Variants in ALPL observed in about 807,000 individuals in gnomAD.
ALPL encodes the protein alkaline phosphatase, biomineralization associated, also known as alkaline phosphatase, tissue-nonspecific isozyme.
In ALPL, 42 loss-of-function variants were observed where a neutral mutation model predicts 51.3. That is an observed-to-expected ratio of 0.82 (90% CI 0.64 to 1.06). The LOEUF (loss-of-function observed/expected upper bound fraction) is 1.06, where lower values mean the gene tolerates loss of function less well. ALPL is among the 50% of genes least tolerant of loss of function. The probability of loss-of-function intolerance (pLI) is 0.00; values close to 1 mark genes in which losing one functional copy is unlikely to be tolerated. For missense variants in ALPL, 589 were observed against 709.4 expected, an observed-to-expected ratio of 0.83 and a Z score of 1.93; for synonymous variants, 279 against 296.4, an observed-to-expected ratio of 0.94 and a Z score of 0.60.
At chr1:21,518,895 A>G (rs567946974) in intron 1 of ALPL, among the ~76,000 whole-genome samples, 2 of 152,288 alleles carry the variant, frequency 1.3e-5, no homozygotes, top group South Asian at 4.1e-4. Context: ...ACCCGCCCAC[A>G]AACTCCATCC....
chr1:21,558,429 A>G (rs897927240), intron 2 of ALPL, among the ~76,000 whole-genome samples: 1 of 149,950 alleles, frequency 6.7e-6, no homozygotes, highest in Non-Finnish European at 1.5e-5. Flanking sequence ...TGAGGAAGGC[A>G]GGAGGGAGGC....
intron 1 of ALPL, among the ~76,000 whole-genome samples, chr1:21,519,039 G>T (rs1643852372): frequency 6.6e-6 from 1 of 152,214 alleles, no homozygotes; most frequent in African/African-American, 2.4e-5. Flanking sequence ...AATGCAACAA[G>T]CGCTACTCAG....
chr1:21,561,277 A>G (rs1230590019), intron 4 of ALPL, 65 bp downstream of exon 4: 2 of 1,416,232 alleles, frequency 1.4e-6, no homozygotes, highest in South Asian at 1.2e-5. Flanking sequence ...GCATCTGAAC[A>G]TGACAGCAGC....
chr1:21,570,933 G>T (rs978485063), intron 8 of ALPL, among the ~76,000 whole-genome samples: 1 of 152,242 alleles, frequency 6.6e-6, no homozygotes, highest in Non-Finnish European at 1.5e-5. Flanking sequence ...CCAAGCAAGT[G>T]GTGGCAAAAT....
At chr1:21,569,750 C>T (rs997318149) in intron 7 of ALPL, among the ~76,000 whole-genome samples, 6 of 152,134 alleles carry the variant, frequency 3.9e-5, no homozygotes, top group African/African-American at 1.2e-4. Context: ...CACATGGTGC[C>T]CTCTCCAGGC....
chr1:21,532,260 C>T (rs1229666729), intron 1 of ALPL, among the ~76,000 whole-genome samples: 3 of 152,028 alleles, frequency 2.0e-5, no homozygotes, highest in Admixed American at 6.6e-5. Flanking sequence ...GGTGTGATCT[C>T]AGCTTGCTGC....
chr1:21,538,586 C>G (rs1420646809), intron 1 of ALPL, among the ~76,000 whole-genome samples: 1 of 152,328 alleles, frequency 6.6e-6, no homozygotes, highest in Admixed American at 6.5e-5. Context: ...CCTCCTCTCA[C>G]AGGGCCTGCG....
At chr1:21,577,304 T>C in intron 11 of ALPL, 79 bp from the exon 12 acceptor site, 5 of 1,606,128 alleles carry the variant, frequency 3.1e-6, no homozygotes, top group Non-Finnish European at 2.6e-6. Flanking sequence ...CAAGCCAGCC[T>C]GGAAGGGAGA....
chr1:21,576,226 G>A (rs1265729338), intron 10 of ALPL, among the ~76,000 whole-genome samples: 2 of 144,452 alleles, frequency 1.4e-5, no homozygotes, highest in Admixed American at 1.4e-4. Flanking sequence ...GATGATGGAT[G>A]GATGGATGGA....
At chr1:21,528,649 C>T (rs900587326) in intron 1 of ALPL, among the ~76,000 whole-genome samples, 3 of 151,726 alleles carry the variant, frequency 2.0e-5, no homozygotes, top group Admixed American at 1.3e-4. Context: ...CGCTCCCGGC[C>T]GACCTATTCA....
intron 2 of ALPL, among the ~76,000 whole-genome samples, chr1:21,558,698 C>T (rs548922113): frequency 1.8e-4 from 27 of 152,170 alleles, no homozygotes; most frequent in African/African-American, 6.3e-4. Context: ...GGACCTGGGG[C>T]TGTCGGGATG....
intron 2 of ALPL, 70 bp downstream of exon 2, chr1:21,554,212 T>C (rs1570252377): frequency 3.4e-6 from 5 of 1,480,682 alleles, no homozygotes; most frequent in Middle Eastern, 1.8e-4. Flanking sequence ...GCAGTGTCTA[T>C]GTTTTAAGGT....
intron 9 of ALPL, 70 bp downstream of exon 9, chr1:21,573,869 A>G (rs1644688836): frequency 6.2e-7 from 1 of 1,607,792 alleles, no homozygotes. Context: ...GGAGAAGTCC[A>G]GCTCTTAAAG....
chr1:21,557,376 G>A (rs1644427477), intron 2 of ALPL, among the ~76,000 whole-genome samples: 1 of 152,304 alleles, frequency 6.6e-6, no homozygotes, highest in African/African-American at 2.4e-5. Flanking sequence ...GGGTGCAGTG[G>A]GGCACTGAGC....
chr1:21,570,264 C>T (rs1644626638), intron 7 of ALPL, 41 bp from the exon 8 acceptor site: 4 of 1,602,550 alleles, frequency 2.5e-6, no homozygotes, highest in Non-Finnish European at 3.4e-6. Flanking sequence ...TTCCGACTCT[C>T]CCTAGCCCCC....
At chr1:21,544,940 A>G (rs1003636449) in intron 1 of ALPL, among the ~76,000 whole-genome samples, 2 of 152,072 alleles carry the variant, frequency 1.3e-5, no homozygotes, top group African/African-American at 4.8e-5. Flanking sequence ...ACATTCCAAC[A>G]TTAAAAAAAA....
At position 21,560,112 on chromosome 1, in the gene ALPL, C is replaced by A. The variant is rs147761335; in HGVS notation, c.62-514C>A. Among the ~76,000 whole-genome samples the A allele has an allele frequency of 2.8e-3, 420 of 152,330 alleles. 3 individuals are homozygous for A. Among genetic ancestry groups the A allele is most frequent in the African/African-American group, 9.5e-3 (396 of 41,570 alleles). ...TTCGCTTTCCAGCACTGCTATTAAA[C>A]CAAGTCAGGTTCCTGCTGAGCCTAC... On this transcript the variant is annotated intron_variant, in intron 2 of 11. Coordinates refer to ENST00000374840, the MANE Select transcript of ALPL (RefSeq NM_000478.6).
Position 21,559,624 on chromosome 1 carries a change from G to A in ALPL, c.62-1002G>A, listed in dbSNP as rs1234159271. 2.0e-5 allele frequency among the ~76,000 whole-genome samples: 3 copies of A among 152,118 alleles called. No homozygotes were observed. The South Asian group carries it at 6.2e-4, about 31-fold the overall frequency. ...AACCTCCGCCTCCCGGGTTCAAGCA[G>A]TTCTCCTGCCTCAGCCTCCTGAGTA... On this transcript the variant is annotated intron_variant, in intron 2 of 11. Transcript: ENST00000374840.
chr1:21,537,222 T>TA (rs1473768030), intron 1 of ALPL, among the ~76,000 whole-genome samples: 1 of 152,174 alleles, frequency 6.6e-6, no homozygotes, highest in Non-Finnish European at 1.5e-5. Flanking sequence ...AAGACGCTGA[T>TA]ACTGGAGGCA....
Sources: gnomAD v4.1 joint callset for allele counts (sites outside exome capture counted in the v4.1 genomes callset) on GRCh38, gnomAD v4.1.1 for gene constraint, MANE v1.5 for transcripts, NCBI Gene and HGNC (gene_info 2026-07-23, HGNC 2026-07-21) for gene names.